MIA3: variants seen among roughly 807,000 people sequenced by gnomAD.
MIA3 encodes MIA SH3 domain ER export factor 3.
Under a neutral mutation model 192.4 loss-of-function variants are expected in MIA3, and 90 were observed. The observed-to-expected ratio is 0.47, with a 90% CI of 0.39 to 0.56. The LOEUF is 0.56. Among genes scored for constraint, MIA3 ranks in the 20% least tolerant of loss-of-function variants. The probability of loss-of-function intolerance (pLI) is 0.00; values close to 1 mark genes in which losing one functional copy is unlikely to be tolerated. For missense variants in MIA3, 2,123 were observed against 2,269.4 expected (o/e 0.94, Z 1.31); for synonymous variants, 740 against 792.8 (o/e 0.93, Z 1.12).
At chr1:222,652,074 G>T (rs1663469080) in intron 12 of MIA3, 26 bp downstream of exon 12, 1 of 1,389,874 alleles carries the variant, frequency 7.2e-7, no homozygotes, top group Admixed American at 1.7e-5. Flanking sequence ...ATTCCTGCAG[G>T]ATATTAATAC....
chr1:222,635,868 C>T (rs1031485118), intron 6 of MIA3, among the ~76,000 whole-genome samples: 10 of 152,148 alleles, frequency 6.6e-5, no homozygotes, highest in African/African-American at 1.9e-4. Context: ...TAGTGTAAGC[C>T]GCCTACCTTG....
Position 222,658,747 on chromosome 1 carries a change from C to T in MIA3, c.4633C>T (p.Arg1545Trp), listed in dbSNP as rs201968777. Reference sequence around the variant, plus strand: ...GAAACTGAGTCAAGAAGAGTATGAACGGCAAGAAAGAGAGCACAGGCTGTC... The same window carrying T: ...GAAACTGAGTCAAGAAGAGTATGAATGGCAAGAAAGAGAGCACAGGCTGTC... Reference protein sequence around the residue: ...QKKLSQEEYERQEREHRLSAA... With the variant: ...QKKLSQEEYEWQEREHRLSAA... Residue 1545 changes from arginine (R) to tryptophan (W), a missense_variant, in exon 19 of 28, where the codon CGG becomes TGG. Arg to Trp is a moderately radical substitution (Grantham distance 101). This residue lies in a region of MIA3 where 762 missense variants were observed against 856.4 expected (regional missense o/e 0.89). Coordinates refer to ENST00000344922, the MANE Select transcript of MIA3 (RefSeq NM_198551.4). The T allele has an allele frequency of 1.9e-5, 30 of 1,611,464 alleles. No individual in the cohort carries two copies. Among genetic ancestry groups the T allele is most frequent in the Middle Eastern group, 1.6e-4 (1 of 6,074 alleles).
chr1:222,654,123 T>G, intron 15 of MIA3, 120 bp from the exon 16 acceptor site: 1 of 945,584 alleles, frequency 1.1e-6, no homozygotes, highest in Non-Finnish European at 1.6e-6. Context: ...CCTTTTCTGT[T>G]TTTGTTTGTT....
chr1:222,659,786 C>T lies in MIA3; in HGVS notation c.4859C>T (p.Ala1620Val), dbSNP rs1420240803. 1.2e-6 allele frequency: 2 copies of T among 1,613,896 alleles called. No individual in the cohort carries two copies. Among genetic ancestry groups the T allele is most frequent in the Non-Finnish European group, 1.7e-6 (2 of 1,179,968 alleles). ...RAIAEEKREAANLRHKLLELT... is the reference protein window; with the variant it reads ...RAIAEEKREAVNLRHKLLELT... ...ATAGCTGAAGAGAAAAGGGAAGCTGCCAATTTGAGACACAAGTATGTGGAT... is the reference window on the plus strand; with the variant it reads ...ATAGCTGAAGAGAAAAGGGAAGCTGTCAATTTGAGACACAAGTATGTGGAT... The change falls in exon 22 of 28, where the codon GCC (alanine) becomes GTC (valine). Residue 1620 changes from alanine (A) to valine (V), a missense_variant. By Grantham distance (64) the Ala-to-Val change is moderately conservative. Around this residue, in one of 3 missense-constraint regions of MIA3, gnomAD observed 762 missense variants for 856.4 expected, o/e 0.89. Transcript: ENST00000344922.
At chr1:222,618,801 T>G (rs940654328) in intron 1 of MIA3, among the ~76,000 whole-genome samples, 1 of 152,156 alleles carries the variant, frequency 6.6e-6, no homozygotes, top group African/African-American at 2.4e-5. Context: ...GCGCTGCTCC[T>G]TTGCCCTTCT....
intron 6 of MIA3, among the ~76,000 whole-genome samples, chr1:222,644,095 C>T (rs575539480): frequency 3.3e-5 from 5 of 152,320 alleles, no homozygotes; most frequent in Non-Finnish European, 7.3e-5. Flanking sequence ...CAGGTAAATC[C>T]CTGGCCTCAT....
intron 3 of MIA3, among the ~76,000 whole-genome samples, 187 bp downstream of exon 3, chr1:222,625,041 G>A (rs1294767672): frequency 2.7e-5 from 4 of 150,278 alleles, no homozygotes; most frequent in East Asian, 3.9e-4. Flanking sequence ...TCGGAGTCTC[G>A]CTCTGTCACC....
rs1364415966 is a variant in MIA3 at position 222,645,959 on chromosome 1, G to T, written c.3609+274G>T. Reference sequence around the variant, plus strand: ...GTGGGTCTGTATTTCAACTCACAAAGGATGAAAAGAAAGAATTAGATAGGT... The same window carrying T: ...GTGGGTCTGTATTTCAACTCACAAATGATGAAAAGAAAGAATTAGATAGGT... On this transcript the variant is annotated intron_variant, in intron 7 of 27. Coordinates refer to ENST00000344922, the MANE Select transcript of MIA3 (RefSeq NM_198551.4). 11 of 307,254 alleles carry T rather than the reference G, an allele frequency of 3.6e-5. No individual in the cohort carries two copies. In the East Asian group the frequency reaches 1.0e-3, roughly 28 times the overall value. The allele number at this position is 307,254 out of a possible 1,614,324, so 19.0% of individuals were successfully genotyped here. A position where few individuals can be genotyped will look rare whatever the true frequency, so the allele number is the denominator to read the frequency against.
chr1:222,637,683 AAT>A (rs371782680), intron 6 of MIA3, among the ~76,000 whole-genome samples: 885 of 29,904 alleles, frequency 0.03, 37 homozygotes, highest in Middle Eastern at 0.095. Context: ...AATCAAGAAT[AAT>A]TTTTTTTTTT....
chr1:222,665,430 A>C lies in MIA3; in HGVS notation c.5535A>C (p.Leu1845Phe). ...FLPGHAPFRPLGSLGPREYFI... is the reference protein window; with the variant it reads ...FLPGHAPFRPFGSLGPREYFI... ...CTGGACACGCACCATTTAGACCTTT[A>C]GGTTCACTTGGCCCAAGAGAGTACT... is the stretch of plus-strand genomic sequence containing the variant. Residue 1845 changes from leucine to phenylalanine, a missense_variant, in exon 28 of 28, where the codon TTA (leucine) becomes TTC (phenylalanine). By Grantham distance (22) the Leu-to-Phe change is conservative (BLOSUM62 0). This residue lies in a region of MIA3 where 762 missense variants were observed against 856.4 expected (regional missense o/e 0.89). Transcript: ENST00000344922. The C allele has an allele frequency of 6.2e-7, 1 of 1,613,910 alleles. No individual in the cohort carries two copies. Among genetic ancestry groups the C allele is most frequent in the South Asian group, 1.1e-5 (1 of 91,066 alleles).
intron 13 of MIA3, 85 bp downstream of exon 13, chr1:222,652,417 T>C: frequency 1.1e-6 from 1 of 890,364 alleles, no homozygotes; most frequent in Non-Finnish European, 1.8e-6. Flanking sequence ...GATCTATTTT[T>C]AGGGTAATAT....
chr1:222,618,496 T>A (rs2102705695), intron 1 of MIA3, among the ~76,000 whole-genome samples: 1 of 152,310 alleles, frequency 6.6e-6, no homozygotes, highest in South Asian at 2.1e-4. Context: ...CACCTCCCAC[T>A]TGTTGCCAGC....
intron 6 of MIA3, among the ~76,000 whole-genome samples, chr1:222,644,148 C>T (rs528761454): frequency 6.6e-6 from 1 of 152,214 alleles, no homozygotes; most frequent in Non-Finnish European, 1.5e-5. Flanking sequence ...GCGAAAGCGC[C>T]AGTCACTTCC....
At chr1:222,646,498 T>TACCAGC (rs1663153039) in intron 7 of MIA3, among the ~76,000 whole-genome samples, 2 of 151,546 alleles carry the variant, frequency 1.3e-5, no homozygotes, top group Admixed American at 1.3e-4. Context: ...ACACCTGTAA[T>TACCAGC]ACCAGCACTT....
Position 222,629,554 on chromosome 1 carries a change from C to T in MIA3, c.2334C>T (p.Ser778=). The part of the protein sequence containing the change: ...TIHPDPEIEE[S]KQETSMILDS... The stretch of plus-strand genomic sequence containing the variant: ...ATCCAGATCCAGAAATTGAAGAAAG[C>T]AAGCAAGAAACTAGTATGATTTTGG... The change falls in exon 4 of 28, where the codon AGC becomes AGT. Residue 778 remains serine (S), a synonymous_variant. Transcript: ENST00000344922. 6.2e-7 allele frequency: 1 copy of T among 1,613,918 alleles called. No individual in the cohort carries two copies. Among genetic ancestry groups the T allele is most frequent in the Non-Finnish European group, 8.5e-7 (1 of 1,179,966 alleles).
At position 222,663,990 on chromosome 1, in the gene MIA3, C is replaced by G; in HGVS notation, c.5263-8C>G. 1 of 1,606,092 alleles carries G rather than the reference C, an allele frequency of 6.2e-7. No homozygotes were observed. The highest frequency in any genetic ancestry group is 8.5e-7 in the Non-Finnish European group (1 of 1,176,364). On this transcript the variant is annotated splice_polypyrimidine_tract_variant and splice_region_variant and intron_variant, in intron 26 of 27. Transcript: ENST00000344922. ...TATTTCAAAACTTCAATTGTTTCTA[C>G]TCTGCAGGTTAATATGGCTCCAAAA...
rs1663897203 is a variant in MIA3, at chr1:222,659,473, A to G, written c.4730A>G (p.Glu1577Gly). 6.2e-7 allele frequency: 1 copy of G among 1,613,946 alleles called. No individual in the cohort carries two copies. Among genetic ancestry groups the G allele is most frequent in the Admixed American group, 1.7e-5 (1 of 60,020 alleles). Reference protein sequence around the residue: ...KTYKRRIEEMEDELQKTERSF... With the variant: ...KTYKRRIEEMGDELQKTERSF... ...CTTAGGCGGAGAATTGAAGAAATGG[A>G]GGATGAATTACAGAAGACAGAGCGG... The change falls in exon 20 of 28, where the codon GAG becomes GGG. Residue 1577 changes from glutamate to glycine, a missense_variant. Transcript: ENST00000344922.
chr1:222,659,730 A>G lies in MIA3; in HGVS notation c.4807-4A>G, dbSNP rs1299779910. 1.2e-6 allele frequency: 2 copies of G among 1,613,912 alleles called. No homozygotes were observed. The highest frequency in any genetic ancestry group is 1.3e-5 in the African/African-American group (1 of 74,922). The stretch of plus-strand genomic sequence containing the variant: ...AACTGAATTTGGATATTTTTCTTCA[A>G]TAGCTCAAAGCTCGTGCTGCAGAAA... On this transcript the variant is annotated splice_region_variant and splice_polypyrimidine_tract_variant and intron_variant, in intron 21 of 27. Transcript: ENST00000344922.
Position 222,665,331 on chromosome 1 carries a change from A to G in MIA3, c.5436A>G (p.Leu1812=), listed in dbSNP as rs531390275. Reference sequence around the variant, plus strand: ...CAGGCCCTGGTATGCGTCCACCACTAGGCTTAAGAGAATTTGCACCAGGCG... The same window carrying G: ...CAGGCCCTGGTATGCGTCCACCACTGGGCTTAAGAGAATTTGCACCAGGCG... ...PPFGPGMRPP[L]GLREFAPGVP... is the part of the protein sequence containing the mutation. The change falls in exon 28 of 28, where the codon CTA becomes CTG. Residue 1812 remains leucine (L), a synonymous_variant. Transcript: ENST00000344922. 6.2e-7 allele frequency: 1 copy of G among 1,612,866 alleles called. No homozygotes were observed. Among genetic ancestry groups the G allele is most frequent in the African/African-American group, 1.3e-5 (1 of 74,892 alleles).
Sources: allele counts gnomAD v4.1 joint callset (sites outside exome capture counted in the v4.1 genomes callset), GRCh38; gene constraint gnomAD v4.1.1; regional missense constraint gnomAD v4.1.1; transcripts MANE v1.5; gene names NCBI Gene and HGNC (gene_info 2026-07-23, HGNC 2026-07-21).